CNBD1: variants seen among roughly 807,000 people sequenced by gnomAD.
CNBD1 encodes the protein cyclic nucleotide binding domain containing 1, also known as cyclic nucleotide-binding domain-containing protein 1.
A neutral mutation model predicts 54.4 loss-of-function variants in CNBD1; 71 were observed. The observed-to-expected ratio is 1.30, with a 90% CI of 1.08 to 1.59. The LOEUF is 1.59. Among genes scored for constraint, CNBD1 ranks in the 40% most tolerant of loss-of-function variants. The probability of loss-of-function intolerance (pLI) is 0.00; values close to 1 mark genes in which losing one functional copy is unlikely to be tolerated. For missense variants in CNBD1, 659 were observed against 518.0 expected (o/e 1.27, Z -2.64); for synonymous variants, 182 against 170.7 (o/e 1.07, Z -0.51).
intron 7 of CNBD1, among the ~76,000 whole-genome samples, chr8:87,285,747 G>A (rs1808684484): frequency 6.6e-6 from 1 of 152,192 alleles, no homozygotes; most frequent in Admixed American, 6.5e-5. Context: ...GTGCATGCCT[G>A]TAATCCCAGC....
At chr8:87,159,722 C>T (rs957052451) in intron 4 of CNBD1, among the ~76,000 whole-genome samples, 1 of 152,068 alleles carries the variant, frequency 6.6e-6, no homozygotes, top group African/African-American at 2.4e-5. Context: ...AAGAGGTCTA[C>T]CCCTGGAAAG....
chr8:87,311,731 G>A (rs916208419), intron 8 of CNBD1, among the ~76,000 whole-genome samples: 1 of 152,106 alleles, frequency 6.6e-6, no homozygotes, highest in African/African-American at 2.4e-5. Flanking sequence ...TAAAGAAAAT[G>A]TGGCACATAT....
At chr8:87,229,166 A>ATGAACCC (rs1255952886) in intron 5 of CNBD1, among the ~76,000 whole-genome samples, 1 of 152,136 alleles carries the variant, frequency 6.6e-6, no homozygotes, top group Non-Finnish European at 1.5e-5. Context: ...CCCTAGTGAG[A>ATGAACCC]TGAACCCGGT....
intron 4 of CNBD1, among the ~76,000 whole-genome samples, chr8:86,956,908 A>G (rs902949783): frequency 6.6e-6 from 1 of 152,176 alleles, no homozygotes; most frequent in Non-Finnish European, 1.5e-5. Context: ...GTCTTGTGCC[A>G]GTTTTCAAAG....
At chr8:86,906,568 AC>A (rs1809021126) in intron 3 of CNBD1, among the ~76,000 whole-genome samples, 1 of 152,282 alleles carries the variant, frequency 6.6e-6, no homozygotes, top group Non-Finnish European at 1.5e-5. Context: ...TGATAAAAAT[AC>A]TTTGTACTTT....
chr8:87,337,276 C>T (rs1809963350), intron 8 of CNBD1, among the ~76,000 whole-genome samples: 1 of 152,104 alleles, frequency 6.6e-6, no homozygotes, highest in Non-Finnish European at 1.5e-5. Context: ...ATCTGGGCTG[C>T]CCGGAGTTAT....
At chr8:87,273,779 T>A (rs181342185) in intron 6 of CNBD1, among the ~76,000 whole-genome samples, 71 of 152,138 alleles carry the variant, frequency 4.7e-4, no homozygotes, top group African/African-American at 1.4e-3. Context: ...AGTTTTTTTT[T>A]AAATTATTAT....
chr8:87,368,945 G>A (rs961997258), intron 10 of CNBD1, among the ~76,000 whole-genome samples: 3 of 151,748 alleles, frequency 2.0e-5, no homozygotes, highest in African/African-American at 7.3e-5. Flanking sequence ...TCCTTCTCAT[G>A]ACTTGCTTAA....
intron 4 of CNBD1, among the ~76,000 whole-genome samples, chr8:87,152,651 T>A (rs1175641612): frequency 6.6e-6 from 1 of 152,042 alleles, no homozygotes; most frequent in Non-Finnish European, 1.5e-5. Flanking sequence ...CTGTCCATCA[T>A]CCCCAAATTC....
At chr8:86,909,977 T>A (rs1809076122) in intron 3 of CNBD1, among the ~76,000 whole-genome samples, 1 of 152,208 alleles carries the variant, frequency 6.6e-6, no homozygotes, top group Non-Finnish European at 1.5e-5. Context: ...ATGTGGTCCT[T>A]GCTCCTCTAG....
intron 4 of CNBD1, among the ~76,000 whole-genome samples, chr8:87,012,631 A>G (rs1586197612): frequency 6.6e-6 from 1 of 152,172 alleles, no homozygotes; most frequent in East Asian, 1.9e-4. Flanking sequence ...ACAATTTACA[A>G]CCTGCTGTCT....
intron 8 of CNBD1, among the ~76,000 whole-genome samples, chr8:87,342,840 C>T (rs996978986): frequency 2.6e-5 from 4 of 152,116 alleles, no homozygotes; most frequent in Non-Finnish European, 5.9e-5. Context: ...GGGTCCATGT[C>T]CCACTGTGCA....
intron 4 of CNBD1, among the ~76,000 whole-genome samples, chr8:86,988,374 ATTATTT>A (rs1344607285): frequency 1.3e-5 from 2 of 151,934 alleles, no homozygotes; most frequent in African/African-American, 4.8e-5. Context: ...TCTATTAAAA[ATTATTT>A]TTATTTTTTG....
At chr8:87,232,234 C>T (rs1807458196) in intron 5 of CNBD1, among the ~76,000 whole-genome samples, 1 of 152,126 alleles carries the variant, frequency 6.6e-6, no homozygotes, top group Non-Finnish European at 1.5e-5. Context: ...CTGCTAGTAA[C>T]ATCCTTGTAC....
At chr8:87,104,208 G>A (rs1035804136) in intron 4 of CNBD1, among the ~76,000 whole-genome samples, 1 of 152,194 alleles carries the variant, frequency 6.6e-6, no homozygotes, top group Non-Finnish European at 1.5e-5. Flanking sequence ...ATGGACTGGA[G>A]GTCCTAGCAA....
At chr8:87,397,257 G>A (rs898458281) in intron 2 of CNBD1, among the ~76,000 whole-genome samples, 1 of 151,920 alleles carries the variant, frequency 6.6e-6, no homozygotes, top group Admixed American at 6.6e-5. Flanking sequence ...ATACTATTAG[G>A]AGAAAGGAAC....
At chr8:87,318,271 C>T (rs1432762146) in intron 8 of CNBD1, among the ~76,000 whole-genome samples, 2 of 151,874 alleles carry the variant, frequency 1.3e-5, no homozygotes, top group Middle Eastern at 3.4e-3. Context: ...CATTGGATTC[C>T]AAGCATTTAA....
intron 2 of CNBD1, among the ~76,000 whole-genome samples, chr8:87,410,087 G>C (rs773192643): frequency 3.3e-5 from 5 of 151,966 alleles, no homozygotes; most frequent in Non-Finnish European, 7.4e-5. Flanking sequence ...ATAAAAGCCT[G>C]GATGACAGCC....
At chr8:86,943,568 G>A (rs1432379363) in intron 4 of CNBD1, among the ~76,000 whole-genome samples, 1 of 151,926 alleles carries the variant, frequency 6.6e-6, no homozygotes, top group African/African-American at 2.4e-5. Flanking sequence ...ATTGGGAGAG[G>A]CATTAAAATC....
Sources: allele counts gnomAD v4.1 joint callset (sites outside exome capture counted in the v4.1 genomes callset), GRCh38; gene constraint gnomAD v4.1.1; transcripts MANE v1.5; gene names NCBI Gene and HGNC (gene_info 2026-07-23, HGNC 2026-07-21).